Variants in KCNIP4 observed in about 807,000 individuals in gnomAD.
KCNIP4 encodes the protein potassium voltage-gated channel interacting protein 4, also known as Kv channel-interacting protein 4.
In KCNIP4, 12 loss-of-function variants were observed where a neutral mutation model predicts 34.0. That is an observed-to-expected ratio of 0.35 (90% confidence interval 0.23 to 0.57). The LOEUF is 0.57. Ranked by LOEUF, KCNIP4 falls within the 20% of genes least tolerant of loss-of-function variation. The pLI, the probability that KCNIP4 is intolerant of heterozygous loss-of-function variation, is 0.83. For synonymous variants in KCNIP4, 124 were observed against 102.2 expected (o/e 1.21, Z -1.29); for missense variants, 238 against 311.7 (o/e 0.76, Z 1.78).
At chr4:21,777,246 A>G (rs889318000) in intron 1 of KCNIP4, among the ~76,000 whole-genome samples, 1 of 152,144 alleles carries the variant, frequency 6.6e-6, no homozygotes, top group Non-Finnish European at 1.5e-5. Flanking sequence ...TCCTTTATAA[A>G]TTACCCAGTC....
At chr4:21,837,078 T>C (rs28627873) in intron 1 of KCNIP4, among the ~76,000 whole-genome samples, 147,490 of 150,900 alleles carry the variant, frequency 0.98, 72,166 homozygotes, top group East Asian at 1. Context: ...CCACCACGCC[T>C]GGCTAATTTT....
intron 1 of KCNIP4, among the ~76,000 whole-genome samples, chr4:21,624,543 T>C (rs756727973): frequency 6.6e-6 from 1 of 152,144 alleles, no homozygotes; most frequent in Non-Finnish European, 1.5e-5. Flanking sequence ...ATGTTGTCAG[T>C]TCAAAGTAGA....
chr4:21,294,130 T>C (rs1763702380), intron 1 of KCNIP4, among the ~76,000 whole-genome samples: 1 of 152,226 alleles, frequency 6.6e-6, no homozygotes, highest in Admixed American at 6.5e-5. Flanking sequence ...GTGCCTGACA[T>C]ATGCTCAACA....
At chr4:21,604,338 G>A (rs1400192145) in intron 1 of KCNIP4, among the ~76,000 whole-genome samples, 1 of 152,090 alleles carries the variant, frequency 6.6e-6, no homozygotes, top group Admixed American at 6.6e-5. Flanking sequence ...TCCATTTATA[G>A]ATAAAGAAAC....
intron 1 of KCNIP4, among the ~76,000 whole-genome samples, chr4:21,671,008 T>A (rs1246449807): frequency 6.6e-6 from 1 of 151,900 alleles, no homozygotes; most frequent in East Asian, 1.9e-4. Context: ...TTTCCACTGG[T>A]TTAATCATTC....
intron 1 of KCNIP4, among the ~76,000 whole-genome samples, chr4:20,964,443 AGAG>A (rs1190516834): frequency 6.6e-6 from 1 of 152,220 alleles, no homozygotes; most frequent in East Asian, 1.9e-4. Flanking sequence ...CATTCTCTTT[AGAG>A]AAGAAGGATA....
chr4:20,836,943 T>C (rs1233721122), intron 3 of KCNIP4, among the ~76,000 whole-genome samples: 2 of 152,048 alleles, frequency 1.3e-5, no homozygotes, highest in East Asian at 1.9e-4. Flanking sequence ...AATTTCCCCT[T>C]CCTCCACCAC....
intron 5 of KCNIP4, among the ~76,000 whole-genome samples, chr4:20,742,915 A>G (rs1294334149): frequency 6.6e-6 from 1 of 152,110 alleles, no homozygotes; most frequent in Non-Finnish European, 1.5e-5. Context: ...ATTCCTATAC[A>G]CCAATAATAG....
intron 1 of KCNIP4, among the ~76,000 whole-genome samples, chr4:21,727,922 G>A (rs1248333828): frequency 6.6e-6 from 1 of 152,048 alleles, no homozygotes. Flanking sequence ...CACAAGCCAC[G>A]ACCTAAAATG....
intron 1 of KCNIP4, among the ~76,000 whole-genome samples, chr4:21,542,352 AG>A (rs1737777841): frequency 6.6e-6 from 1 of 152,290 alleles, no homozygotes; most frequent in African/African-American, 2.4e-5. Context: ...AAATATTTTA[AG>A]GCTTCAAAAA....
At chr4:21,105,741 A>T (rs1459200796) in intron 1 of KCNIP4, among the ~76,000 whole-genome samples, 1 of 151,474 alleles carries the variant, frequency 6.6e-6, no homozygotes, top group Non-Finnish European at 1.5e-5. Flanking sequence ...TTTGTCATAG[A>T]TAGCTCTTAT....
intron 1 of KCNIP4, among the ~76,000 whole-genome samples, chr4:21,114,769 T>C (rs12647437): frequency 6.6e-6 from 1 of 151,862 alleles, no homozygotes; most frequent in East Asian, 1.9e-4. Flanking sequence ...AACTCAGGTG[T>C]AGGAAGGTTA....
intron 1 of KCNIP4, among the ~76,000 whole-genome samples, chr4:21,822,628 G>A (rs1434154989): frequency 6.6e-6 from 1 of 151,828 alleles, no homozygotes; most frequent in Non-Finnish European, 1.5e-5. Flanking sequence ...TTGCCCAGCA[G>A]ATGGTTTATG....
chr4:21,233,054 A>C (rs1758914463), intron 1 of KCNIP4, among the ~76,000 whole-genome samples: 1 of 152,184 alleles, frequency 6.6e-6, no homozygotes, highest in African/African-American at 2.4e-5. Flanking sequence ...CAATATGTGC[A>C]ATAAAAGAGA....
At chr4:20,809,688 T>C (rs1296156635) in intron 3 of KCNIP4, among the ~76,000 whole-genome samples, 2 of 152,220 alleles carry the variant, frequency 1.3e-5, no homozygotes, top group Non-Finnish European at 1.5e-5. Context: ...TTTCCTATTA[T>C]AGGGGTATTT....
intron 1 of KCNIP4, among the ~76,000 whole-genome samples, chr4:21,434,495 AG>A (rs1726773694): frequency 6.6e-6 from 1 of 152,150 alleles, no homozygotes; most frequent in Admixed American, 6.6e-5. Context: ...GGGACCATAT[AG>A]GACCCTCTCC....
Position 21,153,448 on chromosome 4 carries a change from C to CCTCT in KCNIP4, c.62-270743_62-270740dup, listed in dbSNP as rs965244473. On this transcript the variant is annotated intron_variant, in intron 1 of 8. Coordinates refer to ENST00000382152, the MANE Select transcript of KCNIP4 (RefSeq NM_025221.6). ...TTTCTTTGTTAATTCTCTCTCTGTC[C>CCTCT]CTCTCTCTCTCTCTCTCTTTATATA... Among the ~76,000 whole-genome samples the CCTCT allele has an allele frequency of 7.7e-3, 1,020 of 132,880 alleles. 10 individuals are homozygous for CCTCT. The highest frequency in any genetic ancestry group is 0.026 in the African/African-American group (970 of 36,702). 87.2% of individuals were successfully genotyped at this position (132,880 alleles called of 152,430 possible).
chr4:20,778,692 A>G (rs16869961), intron 3 of KCNIP4, among the ~76,000 whole-genome samples: 41,210 of 152,126 alleles, frequency 0.27, 6,733 homozygotes, highest in Admixed American at 0.42. Context: ...CATGGAAAAT[A>G]AAGGTGGTCT....
chr4:21,220,157 G>A (rs1560184939), intron 1 of KCNIP4, among the ~76,000 whole-genome samples: 1 of 152,024 alleles, frequency 6.6e-6, no homozygotes, highest in Non-Finnish European at 1.5e-5. Flanking sequence ...GTCGTACCAG[G>A]TTCTCCCTTT....
Sources: gnomAD v4.1 joint callset for allele counts (sites outside exome capture counted in the v4.1 genomes callset) on GRCh38, gnomAD v4.1.1 for gene constraint, MANE v1.5 for transcripts, NCBI Gene and HGNC (gene_info 2026-07-23, HGNC 2026-07-21) for gene names.